The following TNFSF4 variants were observed in gnomAD, a reference collection of about 807,000 sequenced individuals.
TNFSF4 encodes TNF superfamily member 4.
Under a neutral mutation model 7.3 loss-of-function variants are expected in TNFSF4, and 4 were observed. That is an observed-to-expected ratio of 0.55 (90% confidence interval 0.27 to 1.25). TNFSF4 has a LOEUF of 1.25. Among genes scored for constraint, TNFSF4 ranks in the 50% most tolerant of loss-of-function variants. The pLI, the probability that TNFSF4 is intolerant of heterozygous loss-of-function variation, is 0.12. For synonymous variants in TNFSF4, 76 were observed against 83.7 expected (o/e 0.91, Z 0.50); for missense variants, 181 against 208.8 (o/e 0.87, Z 0.82).
chr1:173,251,339 A>C, the TNFSF4 span, among the ~76,000 whole-genome samples: 2 of 152,246 alleles, frequency 1.3e-5, no homozygotes, highest in African/African-American at 4.8e-5. Context: ...AGAAATCTGA[A>C]AAGAAATCTT....
chr1:173,363,046 C>A, the TNFSF4 span: 1 of 371,846 alleles, frequency 2.7e-6, no homozygotes. Flanking sequence ...TGTTTCTAGA[C>A]CAGTCTGTAA....
chr1:173,365,160 A>C, the TNFSF4 span, among the ~76,000 whole-genome samples: 1 of 152,004 alleles, frequency 6.6e-6, no homozygotes, highest in African/African-American at 2.4e-5. Flanking sequence ...AAAGAAAAAA[A>C]CACAAGAATG....
intron 1 of TNFSF4, among the ~76,000 whole-genome samples, chr1:173,203,809 T>C (rs1283087706): frequency 6.6e-6 from 1 of 152,210 alleles, no homozygotes; most frequent in African/African-American, 2.4e-5. Context: ...AAGCCAAGTT[T>C]CAATGGTTTC....
chr1:173,386,701 G>A, the TNFSF4 span, among the ~76,000 whole-genome samples: 1 of 152,112 alleles, frequency 6.6e-6, no homozygotes, highest in Non-Finnish European at 1.5e-5. Context: ...GCAGGCATCT[G>A]ACTCCAACTC....
chr1:173,318,829 G>A, the TNFSF4 span, among the ~76,000 whole-genome samples: 5 of 152,296 alleles, frequency 3.3e-5, no homozygotes, highest in East Asian at 3.9e-4. Flanking sequence ...CAGAAGGCAC[G>A]TGATTTCAGC....
the TNFSF4 span, among the ~76,000 whole-genome samples, chr1:173,305,693 T>TA: frequency 0.025 from 3,645 of 145,220 alleles, 124 homozygotes; most frequent in African/African-American, 0.074. Flanking sequence ...GGTAATTTAT[T>TA]AAAAAAAAAA....
At chr1:173,286,833 A>T in the TNFSF4 span, among the ~76,000 whole-genome samples, 594 of 152,288 alleles carry the variant, frequency 3.9e-3, 4 homozygotes, top group African/African-American at 0.014. Context: ...CAGTTTCCAT[A>T]CGTACATCTA....
At chr1:173,381,401 G>A in the TNFSF4 span, among the ~76,000 whole-genome samples, 1 of 152,208 alleles carries the variant, frequency 6.6e-6, no homozygotes, top group Admixed American at 6.5e-5. Context: ...ACACCAACCT[G>A]TGGAGTTGGG....
At chr1:173,208,849 C>CAAAAAAAAAAAAA (rs572693565), upstream of TNFSF4, among the ~76,000 whole-genome samples, 1 of 85,158 alleles carries the variant, frequency 1.2e-5, no homozygotes, top group African/African-American at 4.2e-5. Context: ...AGAGTCACAG[C>CAAAAAAAAAAAAA]AAAAAAAAAA....
chr1:173,230,842 T>C, the TNFSF4 span, among the ~76,000 whole-genome samples: 2 of 152,074 alleles, frequency 1.3e-5, no homozygotes, highest in Non-Finnish European at 2.9e-5. Flanking sequence ...CTAGAAAATC[T>C]AGAAGAAATG....
At chr1:173,416,638 T>TATTTATTTATTTATTTTTTGAGAGAGA in the TNFSF4 span, among the ~76,000 whole-genome samples, 1 of 110,084 alleles carries the variant, frequency 9.1e-6, no homozygotes, top group Admixed American at 9.3e-5. Context: ...ATTTATTTTT[T>TATTTATTTATTTATTTTTTGAGAGAGA]GAGAGAGAGA....
the TNFSF4 span, among the ~76,000 whole-genome samples, chr1:173,281,892 T>A: frequency 6.6e-6 from 1 of 152,114 alleles, no homozygotes; most frequent in East Asian, 1.9e-4. Flanking sequence ...GAATAAGAAT[T>A]TGTCCAGTCA....
At chr1:173,178,156 C>T in the TNFSF4 span, among the ~76,000 whole-genome samples, 2 of 152,152 alleles carry the variant, frequency 1.3e-5, no homozygotes, top group Non-Finnish European at 2.9e-5. Flanking sequence ...GTAAAAATCA[C>T]ATGTTTCATA....
At chr1:173,210,993 A>C (rs942431856), upstream of TNFSF4, among the ~76,000 whole-genome samples, 2 of 152,238 alleles carry the variant, frequency 1.3e-5, no homozygotes, top group Non-Finnish European at 2.9e-5. Context: ...TCTAATTTAT[A>C]AACCCGCAGG....
the TNFSF4 span, among the ~76,000 whole-genome samples, chr1:173,178,709 G>A: frequency 6.6e-6 from 1 of 151,860 alleles, no homozygotes; most frequent in African/African-American, 2.4e-5. Context: ...AAATATTTCC[G>A]GTAGGTTGAA....
the TNFSF4 span, among the ~76,000 whole-genome samples, chr1:173,329,083 A>G: frequency 6.6e-6 from 1 of 152,238 alleles, no homozygotes; most frequent in East Asian, 1.9e-4. Context: ...TATCTACTAA[A>G]TAAACTATTA....
At chr1:173,272,294 G>C in the TNFSF4 span, among the ~76,000 whole-genome samples, 1 of 152,022 alleles carries the variant, frequency 6.6e-6, no homozygotes. Context: ...GTATATGTAT[G>C]TAACAAATCT....
At chr1:173,426,806 C>A in the TNFSF4 span, among the ~76,000 whole-genome samples, 29 of 152,210 alleles carry the variant, frequency 1.9e-4, no homozygotes, top group East Asian at 5.0e-3. Flanking sequence ...GTTGCCAGGG[C>A]TGCTGTCAAA....
chr1:173,305,795 G>A, the TNFSF4 span, among the ~76,000 whole-genome samples: 3 of 151,658 alleles, frequency 2.0e-5, no homozygotes, highest in African/African-American at 7.3e-5. Flanking sequence ...AAAACCATTA[G>A]ATCTCCTGAG....
Sources: allele counts gnomAD v4.1 joint callset (sites outside exome capture counted in the v4.1 genomes callset), GRCh38; gene constraint gnomAD v4.1.1; transcripts MANE v1.5; gene names NCBI Gene and HGNC (gene_info 2026-07-23, HGNC 2026-07-21).